The following DNAH17 variants were observed in gnomAD, a reference collection of about 807,000 sequenced individuals.
DNAH17 encodes axonemal beta dynein heavy chain 17.
A neutral mutation model predicts 485.6 loss-of-function variants in DNAH17; 376 were observed. The ratio of observed to expected loss-of-function variants is 0.77; its 90% CI spans 0.71 to 0.84. The LOEUF (loss-of-function observed/expected upper bound fraction) is 0.84. DNAH17 is among the 40% of genes least tolerant of loss of function. The pLI, the probability that DNAH17 is intolerant of heterozygous loss-of-function variation, is 0.00. For synonymous variants in DNAH17, 3,031 were observed against 2,405.9 expected (o/e 1.26, Z -7.60); for missense variants, 6,370 against 5,839.3 (o/e 1.09, Z -2.96).
intron 1 of DNAH17, among the ~76,000 whole-genome samples, chr17:78,576,980 A>G (rs961798103): frequency 6.6e-6 from 1 of 152,174 alleles, no homozygotes; most frequent in Non-Finnish European, 1.5e-5. Context: ...GAGGTGGCCC[A>G]TGCCCCAGGC....
At chr17:78,501,023 C>T in intron 35 of DNAH17, 161 bp downstream of exon 35, 1 of 796,614 alleles carries the variant, frequency 1.3e-6, no homozygotes, top group East Asian at 2.9e-5. Flanking sequence ...GGTGCTAGAA[C>T]AAGGACACAG....
chr17:78,429,014 G>T, intron 76 of DNAH17, 107 bp downstream of exon 76: 1 of 1,252,702 alleles, frequency 8.0e-7, no homozygotes. Context: ...TATTTTGGCT[G>T]CCTGGGTTCT....
rs769446117 is a variant in DNAH17, at chr17:78,543,797, C to T, written c.2532+60G>A. ...TATGAAATCTCCAGCCCTGGGTTTA[C>T]TCTCTCCTCCCTGCTAAAAGCAAGT... is the stretch of plus-strand genomic sequence containing the variant. On this transcript the variant is annotated intron_variant, in intron 17 of 80. Transcript: ENST00000389840. 7 of 1,610,798 alleles carry T rather than the reference C, an allele frequency of 4.3e-6. No individual in the cohort carries two copies. In the Admixed American group the frequency reaches 1.0e-4, roughly 23 times the overall value.
In DNAH17 at chr17:78,531,981, C is replaced by G. The variant is rs529107839; in HGVS notation, c.3114+501G>C. Reference sequence around the variant, plus strand: ...AACAATTCACCTGGGGGTGTGGTTTCATATGCAAATGAGCCAACCCGGAGC... The same window carrying G: ...AACAATTCACCTGGGGGTGTGGTTTGATATGCAAATGAGCCAACCCGGAGC... On this transcript the variant is annotated intron_variant, in intron 20 of 80. Coordinates refer to ENST00000389840, the MANE Select transcript of DNAH17 (RefSeq NM_173628.4). Among the ~76,000 whole-genome samples, 17 of 152,336 alleles carry G rather than the reference C, an allele frequency of 1.1e-4. No individual in the cohort carries two copies. The East Asian group carries it at 3.1e-3, about 28-fold the overall frequency.
At chr17:78,546,918 A>AAG (rs746349580) in intron 16 of DNAH17, among the ~76,000 whole-genome samples, 4 of 151,604 alleles carry the variant, frequency 2.6e-5, no homozygotes, top group Non-Finnish European at 4.4e-5. Flanking sequence ...AAAGAAAAAA[A>AAG]AAAATTGCTT....
intron 25 of DNAH17, among the ~76,000 whole-genome samples, chr17:78,518,730 A>T (rs1321493490): frequency 6.6e-6 from 1 of 152,236 alleles, no homozygotes; most frequent in African/African-American, 2.4e-5. Flanking sequence ...ACATTCCCCC[A>T]GACAGACTAT....
intron 74 of DNAH17, among the ~76,000 whole-genome samples, chr17:78,435,019 G>A (rs2086811404): frequency 6.6e-6 from 1 of 152,228 alleles, no homozygotes; most frequent in African/African-American, 2.4e-5. Flanking sequence ...TGGAAAGCCT[G>A]GCACAGGCCC....
chr17:78,546,554 T>G (rs2091769343), intron 16 of DNAH17, among the ~76,000 whole-genome samples: 1 of 152,244 alleles, frequency 6.6e-6, no homozygotes, highest in South Asian at 2.1e-4. Flanking sequence ...TGTTTCTAAT[T>G]CCACTAGAAC....
chr17:78,514,197 G>A (rs2090713988), intron 26 of DNAH17, among the ~76,000 whole-genome samples: 1 of 152,086 alleles, frequency 6.6e-6, no homozygotes, highest in African/African-American at 2.4e-5. Flanking sequence ...GGAAATGCGG[G>A]AACTCCTGTT....
At chr17:78,448,481 T>C (rs1339350626) in intron 69 of DNAH17, among the ~76,000 whole-genome samples, 1 of 152,198 alleles carries the variant, frequency 6.6e-6, no homozygotes, top group Non-Finnish European at 1.5e-5. Context: ...GAACTATGAT[T>C]GCACCACTGC....
chr17:78,570,160 G>A, intron 7 of DNAH17, 87 bp downstream of exon 7: 1 of 1,423,754 alleles, frequency 7.0e-7, no homozygotes, highest in Non-Finnish European at 9.5e-7. Flanking sequence ...AACTGCTGGG[G>A]AACATGGGCA....
At chr17:78,564,295 A>T (rs1473312) in intron 11 of DNAH17, among the ~76,000 whole-genome samples, 6 of 151,938 alleles carry the variant, frequency 3.9e-5, no homozygotes, top group Admixed American at 3.9e-4. Context: ...TGCAGGTGGC[A>T]CAATCTCCAT....
chr17:78,535,602 A>T (rs2091353620), intron 19 of DNAH17, among the ~76,000 whole-genome samples: 1 of 152,202 alleles, frequency 6.6e-6, no homozygotes, highest in African/African-American at 2.4e-5. Context: ...AATATATGTT[A>T]TGACAAATCA....
intron 62 of DNAH17, among the ~76,000 whole-genome samples, chr17:78,456,473 G>A (rs2087807566): frequency 6.6e-6 from 1 of 152,176 alleles, no homozygotes; most frequent in African/African-American, 2.4e-5. Flanking sequence ...GATGCTGCCA[G>A]ATACCACAGA....
chr17:78,517,617 CT>C (rs1180607406), intron 25 of DNAH17, among the ~76,000 whole-genome samples: 1 of 152,172 alleles, frequency 6.6e-6, no homozygotes. Context: ...AATTCCCAGG[CT>C]CCCGAATTGC....
intron 24 of DNAH17, 137 bp from the exon 25 acceptor site, chr17:78,525,298 T>C (rs1055350185): frequency 7.7e-7 from 1 of 1,295,362 alleles, no homozygotes; most frequent in Non-Finnish European, 1.0e-6. Context: ...TACAACGGTG[T>C]CCCACCTGGA....
chr17:78,460,443 T>C (rs1448756869), intron 58 of DNAH17, among the ~76,000 whole-genome samples, 186 bp from the exon 59 acceptor site: 1 of 152,216 alleles, frequency 6.6e-6, no homozygotes, highest in South Asian at 2.1e-4. Flanking sequence ...CATGTGCATA[T>C]GTGCATGTGT....
In DNAH17 at chr17:78,530,325, A is replaced by C; in HGVS notation, c.3284+18T>G. 1.3e-6 allele frequency: 2 copies of C among 1,595,136 alleles called. No individual in the cohort carries two copies. The highest frequency in any genetic ancestry group is 1.7e-6 in the Non-Finnish European group (2 of 1,166,702). ...TGCACATTCCTTGGGCTCCCCGAGT[A>C]CATGGCTGGGGACCCACCTGTTGGT... On this transcript the variant is annotated intron_variant, in intron 21 of 80. Coordinates refer to ENST00000389840, the MANE Select transcript of DNAH17 (RefSeq NM_173628.4).
intron 16 of DNAH17, among the ~76,000 whole-genome samples, chr17:78,548,667 G>C (rs2091832874): frequency 6.6e-6 from 1 of 152,106 alleles, no homozygotes; most frequent in Admixed American, 6.5e-5. Context: ...TCACACCTGA[G>C]GGCTAAGGGC....
Sources: gnomAD v4.1 joint callset for allele counts (sites outside exome capture counted in the v4.1 genomes callset) on GRCh38, gnomAD v4.1.1 for gene constraint, MANE v1.5 for transcripts, NCBI Gene and HGNC (gene_info 2026-07-23, HGNC 2026-07-21) for gene names.